DCDC2C: variants seen among roughly 807,000 people sequenced by gnomAD.
DCDC2C encodes the protein doublecortin domain containing 2C, also known as doublecortin domain-containing protein 2C.
DCDC2C carries 44 observed loss-of-function variants against 45.0 expected under a neutral mutation model. The observed-to-expected ratio is 0.98, with a 90% CI of 0.77 to 1.26. The LOEUF is 1.26. Among genes scored for constraint, DCDC2C ranks in the 50% most tolerant of loss-of-function variants. DCDC2C has a pLI of 0.00. For synonymous variants in DCDC2C, 187 were observed against 178.8 expected (o/e 1.05, Z -0.37); for missense variants, 447 against 468.9 (o/e 0.95, Z 0.43).
Position 3,718,763 on chromosome 2 carries a change from C to T in DCDC2C, c.340-8240C>T, listed in dbSNP as rs541365652. 3.1e-4 allele frequency among the ~76,000 whole-genome samples: 47 copies of T among 152,256 alleles called. No individual in the cohort carries two copies. In the South Asian group the frequency reaches 9.1e-3, roughly 30 times the overall value. ...AGTTGGTTCCTGCCGGTGGGTTTGTCGTCTCGCTGACTTCAAAAATGAAGC... is the reference window on the plus strand; with the variant it reads ...AGTTGGTTCCTGCCGGTGGGTTTGTTGTCTCGCTGACTTCAAAAATGAAGC... On this transcript the variant is annotated intron_variant, in intron 2 of 10. Transcript: ENST00000399143.
intron 1 of DCDC2C, among the ~76,000 whole-genome samples, chr2:3,705,341 T>C (rs1255067426): frequency 6.6e-6 from 1 of 152,220 alleles, no homozygotes; most frequent in African/African-American, 2.4e-5. Context: ...AATCCTGTTA[T>C]GTATTAGAAT....
At chr2:3,735,949 TA>T (rs1669011153) in intron 3 of DCDC2C, among the ~76,000 whole-genome samples, 1 of 152,312 alleles carries the variant, frequency 6.6e-6, no homozygotes, top group Non-Finnish European at 1.5e-5. Context: ...CCTCTGGTTT[TA>T]AATGATTTTT....
intron 7 of DCDC2C, 138 bp downstream of exon 7, chr2:3,768,018 G>A (rs758147598): frequency 7.8e-6 from 8 of 1,031,580 alleles, no homozygotes; most frequent in Middle Eastern, 3.2e-4. Flanking sequence ...TTAATAAAAG[G>A]TTCAGCTTGT....
intron 3 of DCDC2C, 84 bp from the exon 4 acceptor site, chr2:3,741,836 C>G (rs1428303739): frequency 1.1e-5 from 15 of 1,379,810 alleles, no homozygotes; most frequent in Non-Finnish European, 1.4e-5. Context: ...TTTTACAGTT[C>G]TGTAATTGTA....
chr2:3,784,856 A>G (rs1670609134), intron 9 of DCDC2C, among the ~76,000 whole-genome samples: 2 of 152,236 alleles, frequency 1.3e-5, no homozygotes, highest in Admixed American at 1.3e-4. Context: ...AATGGGAAAC[A>G]AAATGGAAGG....
intron 10 of DCDC2C, among the ~76,000 whole-genome samples, chr2:3,836,382 A>G (rs1280503618): frequency 1.3e-5 from 2 of 152,230 alleles, no homozygotes; most frequent in African/African-American, 4.8e-5. Flanking sequence ...GAGACACAGT[A>G]ACCAAATGCA....
intron 4 of DCDC2C, among the ~76,000 whole-genome samples, chr2:3,751,369 A>G (rs1242267114): frequency 6.6e-6 from 1 of 152,230 alleles, no homozygotes; most frequent in Non-Finnish European, 1.5e-5. Context: ...AATTCCAAGC[A>G]TTGGGTTTCC....
chr2:3,845,090 C>T (rs915762824), intron 10 of DCDC2C, among the ~76,000 whole-genome samples: 7 of 152,208 alleles, frequency 4.6e-5, no homozygotes, highest in Non-Finnish European at 8.8e-5. Flanking sequence ...GGTGGCTAAG[C>T]GAATGGACTC....
chr2:3,788,225 A>T (rs1166331408), intron 10 of DCDC2C, among the ~76,000 whole-genome samples: 1 of 152,272 alleles, frequency 6.6e-6, no homozygotes, highest in African/African-American at 2.4e-5. Context: ...TTGAATAATT[A>T]TCCACTAACA....
At chr2:3,738,377 C>G (rs933740760) in intron 3 of DCDC2C, among the ~76,000 whole-genome samples, 5 of 151,946 alleles carry the variant, frequency 3.3e-5, no homozygotes, top group Non-Finnish European at 5.9e-5. Flanking sequence ...GTATGTGCAA[C>G]TTCTCTATCA....
chr2:3,781,227 C>T (rs1445003658), intron 9 of DCDC2C, among the ~76,000 whole-genome samples: 1 of 152,238 alleles, frequency 6.6e-6, no homozygotes, highest in Non-Finnish European at 1.5e-5. Context: ...CCTTCCTGGC[C>T]AATAGGCCAC....
At chr2:3,733,245 T>G (rs1488190124) in intron 3 of DCDC2C, among the ~76,000 whole-genome samples, 1 of 152,214 alleles carries the variant, frequency 6.6e-6, no homozygotes, top group Non-Finnish European at 1.5e-5. Flanking sequence ...CAGTCCATGT[T>G]TAGAATTTTC....
chr2:3,736,388 A>G (rs1199903464), intron 3 of DCDC2C, among the ~76,000 whole-genome samples: 1 of 152,246 alleles, frequency 6.6e-6, no homozygotes, highest in African/African-American at 2.4e-5. Flanking sequence ...GGAACGGAGC[A>G]GGAGATGAGG....
intron 3 of DCDC2C, among the ~76,000 whole-genome samples, chr2:3,736,457 T>G: frequency 6.6e-6 from 1 of 152,146 alleles, no homozygotes; most frequent in South Asian, 2.1e-4. Flanking sequence ...GGAGTCCCCT[T>G]CAGGTTGCAG....
chr2:3,752,052 G>T (rs189385730), intron 4 of DCDC2C, among the ~76,000 whole-genome samples: 74 of 152,208 alleles, frequency 4.9e-4, no homozygotes, highest in Admixed American at 1.3e-3. Flanking sequence ...CACCTACCCT[G>T]CCGACCCTGT....
intron 3 of DCDC2C, among the ~76,000 whole-genome samples, chr2:3,733,540 G>A (rs771628743): frequency 2.6e-5 from 4 of 152,194 alleles, no homozygotes; most frequent in Non-Finnish European, 4.4e-5. Context: ...TTTATAAACA[G>A]CAGAAATTTT....
At chr2:3,802,845 C>T (rs115613818) in intron 10 of DCDC2C, among the ~76,000 whole-genome samples, 1 of 152,134 alleles carries the variant, frequency 6.6e-6, no homozygotes, top group Non-Finnish European at 1.5e-5. Flanking sequence ...CTCAAGGGTC[C>T]CTGGGCCTCT....
At chr2:3,762,405 A>T (rs746101074) in intron 6 of DCDC2C, among the ~76,000 whole-genome samples, 2 of 152,188 alleles carry the variant, frequency 1.3e-5, no homozygotes, top group Non-Finnish European at 2.9e-5. Context: ...TTACACTGCT[A>T]TAAAGAAATA....
intron 10 of DCDC2C, among the ~76,000 whole-genome samples, chr2:3,837,202 C>G (rs1042966500): frequency 6.6e-6 from 1 of 152,088 alleles, no homozygotes. Flanking sequence ...CAGGTGAAAA[C>G]GGTATTCGGA....
Sources: gnomAD v4.1 joint callset for allele counts (sites outside exome capture counted in the v4.1 genomes callset) on GRCh38, gnomAD v4.1.1 for gene constraint, MANE v1.5 for transcripts, NCBI Gene and HGNC (gene_info 2026-07-23, HGNC 2026-07-21) for gene names.